Variants in RNF213 observed in about 807,000 individuals in gnomAD.
RNF213 encodes ring finger protein 213.
Under a neutral mutation model 514.4 loss-of-function variants are expected in RNF213, and 341 were observed. The ratio of observed to expected loss-of-function variants is 0.66; its 90% CI spans 0.61 to 0.73. RNF213 has a LOEUF of 0.73. Among genes scored for constraint, RNF213 ranks in the 30% least tolerant of loss-of-function variants. The probability of loss-of-function intolerance (pLI) is 0.00; values close to 1 mark genes in which losing one functional copy is unlikely to be tolerated. For missense variants in RNF213, 5,767 were observed against 6,615.6 expected, an observed-to-expected ratio of 0.87 and a Z score of 4.45; for synonymous variants, 2,655 against 2,658.2, an observed-to-expected ratio of 1.00 and a Z score of 0.04.
rs2043547073 is a variant in RNF213, at chr17:80,264,706, GCAGA to G, written c.97+932_97+935del. Among the ~76,000 whole-genome samples the G allele has an allele frequency of 6.6e-6, 1 of 152,070 alleles. No individual in the cohort carries two copies. The highest frequency in any genetic ancestry group is 2.4e-5 in the African/African-American group (1 of 41,398). ...GCCTTCCTGCTTCCTGCTCAGCACAGCAGACAGTCAAACCACAGACCCCCTTACA... is the reference window on the plus strand; with the variant it reads ...GCCTTCCTGCTTCCTGCTCAGCACAGCAGTCAAACCACAGACCCCCTTACA... On this transcript the variant is annotated intron_variant, in intron 2 of 67. Transcript: ENST00000582970. The surrounding 1 kb of genome is among the most constrained non-coding windows in gnomAD (Gnocchi z 5.0).
In RNF213 at chr17:80,395,115, G is replaced by C. The variant is rs539079276; in HGVS notation, c.*1617G>C. 1.3e-5 allele frequency: 2 copies of C among 152,154 alleles called. No individual in the cohort carries two copies. The highest frequency in any genetic ancestry group is 3.9e-4 in the East Asian group (2 of 5,192). The allele number at this position is 152,154 out of a possible 1,614,324, so 9.4% of individuals were successfully genotyped here. On this transcript the variant is annotated 3_prime_UTR_variant, in exon 68 of 68. Coordinates refer to ENST00000582970, the MANE Select transcript of RNF213 (RefSeq NM_001256071.3). The stretch of plus-strand genomic sequence containing the variant: ...AAGGCTTTTTTTTTCCTTTGGCCTG[G>C]GAATTTTTCCCATTTTTATGAAGGG...
intron 3 of RNF213, among the ~76,000 whole-genome samples, chr17:80,282,501 C>G (rs978005290): frequency 1.4e-4 from 21 of 151,872 alleles, no homozygotes; most frequent in Admixed American, 2.6e-4. Context: ...CAGGTTCACG[C>G]CATTCTCCTG....
At chr17:80,351,545 C>A (rs1327967454) in intron 31 of RNF213, 140 bp from the exon 32 acceptor site, 1 of 611,774 alleles carries the variant, frequency 1.6e-6, no homozygotes, top group Non-Finnish European at 3.0e-6. Flanking sequence ...TAAAACTCAT[C>A]GGAACGGGTG....
intron 17 of RNF213, among the ~76,000 whole-genome samples, chr17:80,324,566 A>G (rs966648516): frequency 1.2e-5 from 1 of 80,776 alleles, no homozygotes; most frequent in Admixed American, 9.3e-5. Context: ...GAAACTTTGA[A>G]CCTAAAGGAA....
chr17:80,273,075 AC>A (rs2043879530), intron 2 of RNF213, among the ~76,000 whole-genome samples, 165 bp from the exon 3 acceptor site: 1 of 151,902 alleles, frequency 6.6e-6, no homozygotes, highest in Non-Finnish European at 1.5e-5. Flanking sequence ...CCTCCTACCC[AC>A]CTGGAGCAGA....
Position 80,264,243 on chromosome 17 carries a change from G to C in RNF213, c.97+465G>C, listed in dbSNP as rs1222597911. Among the ~76,000 whole-genome samples the C allele has an allele frequency of 2.0e-5, 3 of 152,212 alleles. No homozygotes were observed. The highest frequency in any genetic ancestry group is 4.4e-5 in the Non-Finnish European group (3 of 68,044). On this transcript the variant is annotated intron_variant, in intron 2 of 67. Transcript: ENST00000582970. This position sits in a 1 kb window ranked among gnomAD's most constrained non-coding sequence, Gnocchi z 5.0. ...GCTGAGGGCTTCATAGAGAGTTTCA[G>C]AGAATGCTGCAGGGAAGCAGAGTTT... is the stretch of plus-strand genomic sequence containing the variant.
chr17:80,336,730 A>G (rs1204565275), intron 23 of RNF213: 2 of 352,246 alleles, frequency 5.7e-6, no homozygotes, highest in African/African-American at 4.3e-5. Context: ...AGAATTTTTT[A>G]TCAGAAAAAA....
At chr17:80,360,535 G>A (rs966117574) in intron 38 of RNF213, 3 of 382,932 alleles carry the variant, frequency 7.8e-6, no homozygotes, top group African/African-American at 6.3e-5. Flanking sequence ...TCTATCAGCT[G>A]GTCATTCCCA....
In RNF213 at chr17:80,347,971, C is replaced by T. The variant is rs2078369382; in HGVS notation, c.9636C>T (p.Tyr3212=). ...KAHHFQKRHK[Y]SPSDVFIGYH... ...ATCATTTCCAGAAGAGGCACAAATA[C>T]AGCCCCTCTGACGTCTTCATCGGCT... The change falls in exon 29 of 68, where the codon TAC becomes TAT. Residue 3212 remains tyrosine (Y), a synonymous_variant. Transcript: ENST00000582970. This position sits in a 1 kb window ranked among gnomAD's most constrained non-coding sequence, Gnocchi z 7.2. The T allele has an allele frequency of 6.2e-7, 1 of 1,614,006 alleles. No individual in the cohort carries two copies. The highest frequency in any genetic ancestry group is 1.1e-5 in the South Asian group (1 of 91,094).
chr17:80,298,481 C>T lies in RNF213; in HGVS notation c.2173C>T (p.Leu725Phe), dbSNP rs1184370257. ...PEDTWAALEG[L>F]SFSPFREQML... The stretch of plus-strand genomic sequence containing the variant: ...GGACACCTGGGCCGCTCTGGAGGGA[C>T]TCTCCTTCTCACCGTTCCGGGAACA... The change falls in exon 11 of 68, where the codon CTC becomes TTC. Residue 725 changes from leucine to phenylalanine, a missense_variant. By Grantham distance (22) the Leu-to-Phe change is conservative. This residue lies in a region of RNF213 where 592 missense variants were observed against 673.9 expected (regional missense o/e 0.88). Coordinates refer to ENST00000582970, the MANE Select transcript of RNF213 (RefSeq NM_001256071.3). 1 of 1,614,190 alleles carries T rather than the reference C, an allele frequency of 6.2e-7. No individual in the cohort carries two copies. The highest frequency in any genetic ancestry group is 1.7e-5 in the Admixed American group (1 of 60,020).
At chr17:80,311,538 G>C (rs1009098925) in intron 14 of RNF213, among the ~76,000 whole-genome samples, 1 of 152,184 alleles carries the variant, frequency 6.6e-6, no homozygotes, top group Admixed American at 6.6e-5. Context: ...CCCCCTCTGC[G>C]GGCTCTCTTT....
Position 80,317,328 on chromosome 17 carries a change from A to G in RNF213, c.2901+51A>G. On this transcript the variant is annotated intron_variant, in intron 16 of 67. Coordinates refer to ENST00000582970, the MANE Select transcript of RNF213 (RefSeq NM_001256071.3). The surrounding 1 kb of genome is among the most constrained non-coding windows in gnomAD (Gnocchi z 4.1). ...TTCAGGGCGTGAAGGCAAGCTGGAGAACCCCAGACCATTAGCGACAGCCAA... is the reference window on the plus strand; with the variant it reads ...TTCAGGGCGTGAAGGCAAGCTGGAGGACCCCAGACCATTAGCGACAGCCAA... 6.5e-7 allele frequency: 1 copy of G among 1,543,806 alleles called. No homozygotes were observed. The highest frequency in any genetic ancestry group is 1.2e-5 in the South Asian group (1 of 86,498).
chr17:80,307,695 G>A (rs1468118398), intron 13 of RNF213, among the ~76,000 whole-genome samples: 4 of 151,924 alleles, frequency 2.6e-5, no homozygotes, highest in African/African-American at 4.8e-5. Context: ...GATTACAGGC[G>A]CATGCCACCA....
rs1390451817 is a variant in RNF213 at position 80,395,099 on chromosome 17, T to G, written c.*1601T>G. On this transcript the variant is annotated 3_prime_UTR_variant, in exon 68 of 68. Coordinates refer to ENST00000582970, the MANE Select transcript of RNF213 (RefSeq NM_001256071.3). ...TCAGTCTCTTTCTGTGAAGGCTTTTTTTTTCCTTTGGCCTGGGAATTTTTC... is the reference window on the plus strand; with the variant it reads ...TCAGTCTCTTTCTGTGAAGGCTTTTGTTTTCCTTTGGCCTGGGAATTTTTC... The G allele has an allele frequency of 1.3e-5, 2 of 152,172 alleles. No individual in the cohort carries two copies. Among genetic ancestry groups the G allele is most frequent in the African/African-American group, 2.4e-5 (1 of 41,426 alleles). The allele number at this position is 152,172 out of a possible 1,614,324, so 9.4% of individuals were successfully genotyped here.
chr17:80,272,306 A>T (rs78693036), intron 2 of RNF213, among the ~76,000 whole-genome samples: 2,888 of 151,950 alleles, frequency 0.019, 56 homozygotes, highest in East Asian at 0.11. Flanking sequence ...AAAATAAAAT[A>T]AAAAAAGAAA....
intron 1 of RNF213, among the ~76,000 whole-genome samples, chr17:80,262,441 CTTG>C (rs545493554): frequency 3.9e-4 from 60 of 152,004 alleles, no homozygotes; most frequent in African/African-American, 1.1e-3. Context: ...GCAGGGTTGT[CTTG>C]TTGTGCAGAT....
In RNF213 at chr17:80,343,048, T is replaced by TC. The variant is rs1206784334; in HGVS notation, c.5990-78dup. The TC allele has an allele frequency of 1.0e-5, 11 of 1,099,424 alleles. No individual in the cohort carries two copies. The highest frequency in any genetic ancestry group is 1.5e-5 in the Non-Finnish European group (11 of 722,746). The allele number at this position is 1,099,424 out of a possible 1,614,324, so 68.1% of individuals were successfully genotyped here. A position where few individuals can be genotyped will look rare whatever the true frequency, so the allele number is the denominator to read the frequency against. On this transcript the variant is annotated intron_variant, in intron 26 of 67. Transcript: ENST00000582970. This position sits in a 1 kb window ranked among gnomAD's most constrained non-coding sequence, Gnocchi z 4.3. ...GCTTTGAACTCCTGACCTCAAGTGA[T>TC]CCCCCCGCCTCGGCCTCCCAAAGTG...
chr17:80,341,991 G>T (rs952198089), intron 26 of RNF213: 1 of 152,250 alleles, frequency 6.6e-6, no homozygotes, highest in Non-Finnish European at 1.5e-5. Context: ...TAGAGATGGG[G>T]TTTCACCATG....
intron 46 of RNF213, among the ~76,000 whole-genome samples, chr17:80,371,070 G>A (rs2079499247): frequency 6.6e-6 from 1 of 152,018 alleles, no homozygotes; most frequent in Non-Finnish European, 1.5e-5. Flanking sequence ...GCACAGCCCA[G>A]TGAACCAATA....
Sources: gnomAD v4.1 joint callset for allele counts (sites outside exome capture counted in the v4.1 genomes callset) on GRCh38, gnomAD v4.1.1 for gene constraint, gnomAD v4.1.1 regional missense constraint, Gnocchi (gnomAD v3.1) non-coding constraint, MANE v1.5 for transcripts, NCBI Gene and HGNC (gene_info 2026-07-23, HGNC 2026-07-21) for gene names.